The following PDGFRL variants were observed in gnomAD, a reference collection of about 807,000 sequenced individuals.
PDGFRL encodes the protein platelet derived growth factor receptor like.
PDGFRL carries 46 observed loss-of-function variants against 37.2 expected under a neutral mutation model. The ratio of observed to expected loss-of-function variants is 1.24; its 90% CI spans 0.98 to 1.58. The LOEUF (loss-of-function observed/expected upper bound fraction) is 1.58, where lower values mean the gene tolerates loss of function less well. PDGFRL is among the 40% of genes most tolerant of loss of function. The pLI is 0.00. For synonymous variants in PDGFRL, 251 were observed against 184.3 expected, an observed-to-expected ratio of 1.36 and a Z score of -2.93; for missense variants, 692 against 467.6, an observed-to-expected ratio of 1.48 and a Z score of -4.43.
chr8:17,621,645 T>G (rs571043302), intron 3 of PDGFRL, among the ~76,000 whole-genome samples: 1 of 152,314 alleles, frequency 6.6e-6, no homozygotes, highest in Admixed American at 6.5e-5. Context: ...AGTGCTCAAC[T>G]GTAGCATGTG....
intron 2 of PDGFRL, among the ~76,000 whole-genome samples, chr8:17,611,479 A>G (rs1030072049): frequency 3.3e-5 from 5 of 152,138 alleles, no homozygotes; most frequent in African/African-American, 1.2e-4. Flanking sequence ...GCCACTGGAC[A>G]TGGTCGGCCT....
intron 2 of PDGFRL, among the ~76,000 whole-genome samples, chr8:17,613,593 GAA>G (rs1804466244): frequency 6.6e-6 from 1 of 152,086 alleles, no homozygotes; most frequent in South Asian, 2.1e-4. Context: ...ATAATCCAGA[GAA>G]GCCCAGGCGC....
At position 17,640,772 on chromosome 8, in the gene PDGFRL, TA is replaced by T. The variant is rs1805074988; in HGVS notation, c.940-1838del. Among the ~76,000 whole-genome samples, 7 of 152,152 alleles carry T rather than the reference TA, an allele frequency of 4.6e-5. 1 individual carries two copies. The highest frequency in any genetic ancestry group is 4.6e-4 in the Admixed American group (7 of 15,284). ...GGTCTTCTGCCAGGAGGTGGCACTT[TA>T]AAGACAGCATTAGCTGCAGTAGTAT... On this transcript the variant is annotated intron_variant, in intron 5 of 5. Coordinates refer to ENST00000251630, the MANE Select transcript of PDGFRL (RefSeq NM_001372073.1).
intron 1 of PDGFRL, among the ~76,000 whole-genome samples, chr8:17,578,390 C>G (rs1394379707): frequency 6.6e-6 from 1 of 152,142 alleles, no homozygotes; most frequent in Non-Finnish European, 1.5e-5. Context: ...TTGCAAAATC[C>G]AAGATAGTCG....
At chr8:17,611,206 G>C (rs1404735744) in intron 2 of PDGFRL, among the ~76,000 whole-genome samples, 1 of 152,314 alleles carries the variant, frequency 6.6e-6, no homozygotes, top group South Asian at 2.1e-4. Flanking sequence ...CATCCAACCA[G>C]ATGATCTTTA....
At chr8:17,596,464 A>C in intron 2 of PDGFRL, 1 of 432,522 alleles carries the variant, frequency 2.3e-6, no homozygotes. Flanking sequence ...ATATAATTTA[A>C]ATTATTCTGA....
Position 17,628,618 on chromosome 8 carries a change from G to C in PDGFRL, c.637G>C (p.Ala213Pro), listed in dbSNP as rs1465594232. 1 of 1,614,218 alleles carries C rather than the reference G, an allele frequency of 6.2e-7. No individual in the cohort carries two copies. The highest frequency in any genetic ancestry group is 1.1e-5 in the South Asian group (1 of 91,088). Residue 213 changes from alanine to proline, a missense_variant, in exon 4 of 6, where the codon GCC becomes CCC. Transcript: ENST00000251630. The part of the protein sequence containing the change: ...AKVTLHREFP[A>P]KEIPANGTDI... Reference sequence around the variant, plus strand: ...AGTCACGCTCCACAGGGAATTCCCAGCCAAGGAGATCCCAGCCAATGGAAC... The same window carrying C: ...AGTCACGCTCCACAGGGAATTCCCACCCAAGGAGATCCCAGCCAATGGAAC...
chr8:17,638,738 C>CATACAT (rs1805025481), intron 5 of PDGFRL, among the ~76,000 whole-genome samples: 1 of 47,352 alleles, frequency 2.1e-5, no homozygotes, highest in African/African-American at 5.6e-5. Flanking sequence ...GCATTAGGTG[C>CATACAT]ATATATATAT....
At chr8:17,632,280 T>C (rs1804878122) in intron 4 of PDGFRL, among the ~76,000 whole-genome samples, 1 of 152,152 alleles carries the variant, frequency 6.6e-6, no homozygotes, top group African/African-American at 2.4e-5. Context: ...CTTATGTGAA[T>C]ACCTTCTCAT....
At chr8:17,633,961 C>T (rs1180357484) in intron 4 of PDGFRL, 113 bp from the exon 5 acceptor site, 1 of 1,056,878 alleles carries the variant, frequency 9.5e-7, no homozygotes, top group African/African-American at 1.6e-5. Flanking sequence ...GGTCAGGGAG[C>T]TGTGAGAAAG....
chr8:17,597,166 A>G (rs1585307293), intron 2 of PDGFRL, among the ~76,000 whole-genome samples: 1 of 152,288 alleles, frequency 6.6e-6, no homozygotes, highest in Non-Finnish European at 1.5e-5. Context: ...TACTACAGGT[A>G]TCTGCCGCCA....
intron 2 of PDGFRL, among the ~76,000 whole-genome samples, chr8:17,610,963 A>G (rs1804398595): frequency 6.6e-6 from 1 of 152,250 alleles, no homozygotes; most frequent in Non-Finnish European, 1.5e-5. Context: ...GCATTTCTCT[A>G]CATGGTGAGT....
chr8:17,613,086 T>C (rs530329834), intron 2 of PDGFRL, among the ~76,000 whole-genome samples: 1 of 152,336 alleles, frequency 6.6e-6, no homozygotes, highest in African/African-American at 2.4e-5. Context: ...ATCTCTTGGG[T>C]CTCTCCATCT....
intron 2 of PDGFRL, among the ~76,000 whole-genome samples, chr8:17,606,962 C>T (rs1356486735): frequency 2.2e-5 from 3 of 137,920 alleles, no homozygotes; most frequent in Non-Finnish European, 4.5e-5. Context: ...GTGGTGCAAT[C>T]TGGGCTCACT....
intron 4 of PDGFRL, among the ~76,000 whole-genome samples, chr8:17,630,760 C>T (rs1804845239): frequency 6.6e-6 from 1 of 152,158 alleles, no homozygotes; most frequent in East Asian, 1.9e-4. Flanking sequence ...TGTCTGTTAG[C>T]CTGATGGGAA....
intron 2 of PDGFRL, among the ~76,000 whole-genome samples, chr8:17,596,669 A>T (rs1804059376): frequency 1.3e-5 from 2 of 152,172 alleles, no homozygotes; most frequent in Admixed American, 1.3e-4. Flanking sequence ...ACAAATTTTG[A>T]CTCTTTGAAT....
chr8:17,598,938 C>T, intron 2 of PDGFRL, among the ~76,000 whole-genome samples: 1 of 152,192 alleles, frequency 6.6e-6, no homozygotes, highest in East Asian at 1.9e-4. Context: ...TGAGACCTCC[C>T]CAGCCACGTG....
intron 2 of PDGFRL, among the ~76,000 whole-genome samples, chr8:17,616,281 G>A (rs999230904): frequency 5.3e-5 from 8 of 151,920 alleles, no homozygotes; most frequent in African/African-American, 1.9e-4. Flanking sequence ...TGCAACCTCC[G>A]CCTCCCGGGT....
rs1189503054 is a variant in PDGFRL at position 17,609,654 on chromosome 8, AAAAAAAAAAAAT to A, written c.354-11394_354-11383del. Among the ~76,000 whole-genome samples the A allele has an allele frequency of 2.0e-4, 20 of 102,348 alleles. 1 individual carries two copies. Among genetic ancestry groups the A allele is most frequent in the African/African-American group, 5.7e-4 (17 of 29,602 alleles). The allele number at this position is 102,348 out of a possible 152,430, so 67.1% of individuals were successfully genotyped here. A position where few individuals can be genotyped will look rare whatever the true frequency, so the allele number is the denominator to read the frequency against. ...CTCTGTAAAAAAAAAAAAAAAAAAA[AAAAAAAAAAAAT>A]AAGAGCCAAAGAGAACAGCATCAAA... On this transcript the variant is annotated intron_variant, in intron 2 of 5. Transcript: ENST00000251630.
Sources: gnomAD v4.1 joint callset for allele counts (sites outside exome capture counted in the v4.1 genomes callset) on GRCh38, gnomAD v4.1.1 for gene constraint, MANE v1.5 for transcripts, NCBI Gene and HGNC (gene_info 2026-07-23, HGNC 2026-07-21) for gene names.